Variants in NRXN1 observed in about 807,000 individuals in gnomAD.
NRXN1 encodes the protein neurexin-1.
In NRXN1, 39 loss-of-function variants were observed where a neutral mutation model predicts 150.9. That is an observed-to-expected ratio of 0.26 (90% CI 0.20 to 0.34). The LOEUF (loss-of-function observed/expected upper bound fraction) is 0.34, where lower values mean the gene tolerates loss of function less well. NRXN1 is among the 10% of genes least tolerant of loss of function. The pLI is 1.00. For missense variants in NRXN1, 1,815 were observed against 1,949.9 expected (o/e 0.93, Z 1.30); for synonymous variants, 924 against 757.0 (o/e 1.22, Z -3.62).
At chr2:50,262,406 T>C (rs1193931443) in intron 17 of NRXN1, among the ~76,000 whole-genome samples, 1 of 151,950 alleles carries the variant, frequency 6.6e-6, no homozygotes, top group Non-Finnish European at 1.5e-5. Context: ...GAAATAGTAG[T>C]CTAAAACCAG....
chr2:50,683,310 G>T (rs1690685736), intron 5 of NRXN1, among the ~76,000 whole-genome samples: 1 of 151,760 alleles, frequency 6.6e-6, no homozygotes, highest in South Asian at 2.1e-4. Context: ...AGAAGCAATT[G>T]CTCTCTTAAT....
At chr2:50,150,152 C>T (rs934046042) in intron 18 of NRXN1, among the ~76,000 whole-genome samples, 12 of 151,848 alleles carry the variant, frequency 7.9e-5, no homozygotes, top group Middle Eastern at 3.4e-3. Context: ...TTGAGGAGAT[C>T]TAAGCTTTGC....
intron 5 of NRXN1, among the ~76,000 whole-genome samples, chr2:50,847,841 C>A (rs1161568915): frequency 6.6e-6 from 1 of 152,110 alleles, no homozygotes; most frequent in Non-Finnish European, 1.5e-5. Context: ...CTGGAGCGAC[C>A]AGAGAAGAGT....
chr2:50,442,887 G>C (rs181311674), intron 17 of NRXN1, among the ~76,000 whole-genome samples: 283 of 152,226 alleles, frequency 1.9e-3, no homozygotes, highest in Middle Eastern at 0.017. Context: ...ATTAAGTATT[G>C]AGTAGGATGA....
intron 22 of NRXN1, among the ~76,000 whole-genome samples, chr2:49,922,941 T>C (rs1365701896): frequency 6.6e-6 from 1 of 152,222 alleles, no homozygotes; most frequent in Non-Finnish European, 1.5e-5. Flanking sequence ...AAATATTCTT[T>C]CTCAGTTTTA....
chr2:50,788,222 G>C (rs919503859), intron 5 of NRXN1, among the ~76,000 whole-genome samples: 5 of 151,824 alleles, frequency 3.3e-5, no homozygotes, highest in Non-Finnish European at 5.9e-5. Flanking sequence ...GAGCAGCTGG[G>C]ACTACAGGCA....
chr2:50,430,807 C>T (rs2084906641), intron 17 of NRXN1, among the ~76,000 whole-genome samples: 1 of 152,194 alleles, frequency 6.6e-6, no homozygotes, highest in Non-Finnish European at 1.5e-5. Flanking sequence ...GGAATCCTTA[C>T]TACCATTTGG....
At chr2:50,183,503 T>C (rs1195507357) in intron 18 of NRXN1, among the ~76,000 whole-genome samples, 1 of 151,880 alleles carries the variant, frequency 6.6e-6, no homozygotes, top group Admixed American at 6.6e-5. Flanking sequence ...TGATAAAATA[T>C]TGATATTCTT....
Position 50,709,471 on chromosome 2 carries a change from T to A in NRXN1, c.833-85856A>T, listed in dbSNP as rs79342184. On this transcript the variant is annotated intron_variant, in intron 5 of 22. Transcript: ENST00000401669. ...ACGGCTTCTCAGAGGAAGTAGCTTG[T>A]GAAGTTTGACAAGGGTGGCCATATA... Among the ~76,000 whole-genome samples, 1,152 of 152,196 alleles carry A rather than the reference T, an allele frequency of 7.6e-3. 38 individuals carry two copies. The highest frequency in any genetic ancestry group is 0.056 in the Admixed American group (856 of 15,276).
chr2:50,857,179 G>T (rs187331791), intron 5 of NRXN1, among the ~76,000 whole-genome samples: 8 of 152,156 alleles, frequency 5.3e-5, no homozygotes, highest in East Asian at 3.9e-4. Context: ...CATTTACTTC[G>T]GGGTAAAGTT....
At chr2:50,886,358 G>A (rs1192446033) in intron 5 of NRXN1, among the ~76,000 whole-genome samples, 1 of 151,260 alleles carries the variant, frequency 6.6e-6, no homozygotes, top group Non-Finnish European at 1.5e-5. Context: ...ATAAAATGAT[G>A]GTTTGAACAA....
chr2:50,746,238 G>T (rs1700010583), intron 5 of NRXN1, among the ~76,000 whole-genome samples: 1 of 152,050 alleles, frequency 6.6e-6, no homozygotes, highest in African/African-American at 2.4e-5. Flanking sequence ...GTGAGGGGCT[G>T]GTGAGCAAGC....
chr2:50,559,071 G>A (rs1668673833), intron 8 of NRXN1, among the ~76,000 whole-genome samples: 1 of 151,934 alleles, frequency 6.6e-6, no homozygotes, highest in Non-Finnish European at 1.5e-5. Flanking sequence ...GACAGAGTGA[G>A]ACTCCGTCTC....
intron 17 of NRXN1, among the ~76,000 whole-genome samples, chr2:50,278,840 A>G (rs770142602): frequency 2.0e-5 from 3 of 152,190 alleles, no homozygotes; most frequent in Non-Finnish European, 4.4e-5. Context: ...TATTTAAACT[A>G]CAAAATAACT....
chr2:50,998,741 T>C (rs1356574422), intron 2 of NRXN1, among the ~76,000 whole-genome samples: 1 of 152,096 alleles, frequency 6.6e-6, no homozygotes, highest in African/African-American at 2.4e-5. Flanking sequence ...AGTCAATTAT[T>C]GATATTTCAA....
At chr2:50,348,457 T>G (rs1575176212) in intron 17 of NRXN1, among the ~76,000 whole-genome samples, 1 of 152,216 alleles carries the variant, frequency 6.6e-6, no homozygotes, top group African/African-American at 2.4e-5. Context: ...TTTAGGAATA[T>G]TTAAGATCTT....
At chr2:50,057,590 T>C (rs1450031829) in intron 19 of NRXN1, among the ~76,000 whole-genome samples, 1 of 152,204 alleles carries the variant, frequency 6.6e-6, no homozygotes, top group African/African-American at 2.4e-5. Context: ...TATGCTACTA[T>C]GTGCAGTATT....
intron 5 of NRXN1, among the ~76,000 whole-genome samples, chr2:50,866,887 C>T (rs1325817348): frequency 3.3e-5 from 5 of 151,850 alleles, no homozygotes; most frequent in Non-Finnish European, 1.5e-5. Flanking sequence ...GAGATGAGCA[C>T]AGGGAACCTG....
intron 17 of NRXN1, among the ~76,000 whole-genome samples, chr2:50,266,842 G>A (rs1248472838): frequency 1.3e-5 from 2 of 152,150 alleles, no homozygotes; most frequent in Non-Finnish European, 1.5e-5. Context: ...AGCATAAAGG[G>A]AGCATAACTC....
Sources: allele counts gnomAD v4.1 joint callset (sites outside exome capture counted in the v4.1 genomes callset), GRCh38; gene constraint gnomAD v4.1.1; transcripts MANE v1.5; gene names NCBI Gene and HGNC (gene_info 2026-07-23, HGNC 2026-07-21).